FOXN3: variants seen among roughly 807,000 people sequenced by gnomAD.
FOXN3 encodes the protein forkhead box N3, also known as forkhead box protein N3.
A neutral mutation model predicts 38.4 loss-of-function variants in FOXN3; 7 were observed. The observed-to-expected ratio is 0.18, with a 90% CI of 0.10 to 0.34. The LOEUF (loss-of-function observed/expected upper bound fraction) is 0.34. FOXN3 is among the 10% of genes least tolerant of loss of function. The pLI, the probability that FOXN3 is intolerant of heterozygous loss-of-function variation, is 1.00. For missense variants in FOXN3, 456 were observed against 613.4 expected, an observed-to-expected ratio of 0.74 and a Z score of 2.71; for synonymous variants, 230 against 242.2, an observed-to-expected ratio of 0.95 and a Z score of 0.47.
chr14:89,479,376 A>AC (rs1279428033), intron 1 of FOXN3, among the ~76,000 whole-genome samples: 3 of 152,194 alleles, frequency 2.0e-5, no homozygotes, highest in South Asian at 4.1e-4. Context: ...CCTGTTGCAA[A>AC]GTCATTCTTC....
chr14:89,238,448 A>G (rs2139863243), intron 4 of FOXN3, among the ~76,000 whole-genome samples: 1 of 152,332 alleles, frequency 6.6e-6, no homozygotes, highest in South Asian at 2.1e-4. Flanking sequence ...CTTAAATGTA[A>G]AATAAGAACT....
chr14:89,276,934 G>A (rs1182227626), intron 4 of FOXN3, among the ~76,000 whole-genome samples: 1 of 152,198 alleles, frequency 6.6e-6, no homozygotes, highest in African/African-American at 2.4e-5. Context: ...CAAGAGCAGA[G>A]GTGCCTATGT....
intron 2 of FOXN3, among the ~76,000 whole-genome samples, chr14:89,373,519 C>A (rs1188311917): frequency 6.6e-6 from 1 of 152,200 alleles, no homozygotes; most frequent in Non-Finnish European, 1.5e-5. Context: ...GCAGCCTTAA[C>A]TCTTTTCTGT....
chr14:89,396,880 CTT>C (rs113510248), intron 2 of FOXN3, among the ~76,000 whole-genome samples: 1 of 140,734 alleles, frequency 7.1e-6, no homozygotes, highest in Non-Finnish European at 1.5e-5. Flanking sequence ...CTGCAGTAGA[CTT>C]TTTTTTTTTT....
intron 2 of FOXN3, among the ~76,000 whole-genome samples, chr14:89,352,439 G>C (rs930086907): frequency 1.3e-5 from 2 of 152,110 alleles, no homozygotes; most frequent in African/African-American, 2.4e-5. Flanking sequence ...GAGAGGTTTG[G>C]GGGGAAAGAC....
intron 1 of FOXN3, among the ~76,000 whole-genome samples, chr14:89,465,846 G>C (rs915811593): frequency 6.6e-6 from 1 of 152,176 alleles, no homozygotes; most frequent in Non-Finnish European, 1.5e-5. Flanking sequence ...AGTAAGCTAG[G>C]ACATCACTCT....
rs187934980 is a variant in FOXN3, at chr14:89,206,282, A to G, written c.746-25476T>C. Among the ~76,000 whole-genome samples the G allele has an allele frequency of 6.0e-3, 915 of 152,350 alleles. 4 individuals are homozygous for G. The highest frequency in any genetic ancestry group is 9.7e-3 in the Non-Finnish European group (661 of 68,036). ...CAAGCGTGAGGGCCAGAGCCTGGTC[A>G]GGGACACATGCTTTTAAAGGAGGTG... is the stretch of plus-strand genomic sequence containing the variant. On this transcript the variant is annotated intron_variant, in intron 4 of 5. Transcript: ENST00000557258.
intron 4 of FOXN3, among the ~76,000 whole-genome samples, chr14:89,181,066 G>GCA (rs900899439): frequency 6.7e-6 from 1 of 148,502 alleles, no homozygotes; most frequent in Admixed American, 6.7e-5. Flanking sequence ...ATACAGACAT[G>GCA]CACACACACA....
chr14:89,431,683 C>T (rs11159909), intron 1 of FOXN3, among the ~76,000 whole-genome samples: 73,590 of 151,860 alleles, frequency 0.48, 20,760 homozygotes, highest in Admixed American at 0.61. Flanking sequence ...ACAGAGATTT[C>T]TCATTATCCA....
At chr14:89,246,542 C>CATTTTT (rs1885302830) in intron 4 of FOXN3, among the ~76,000 whole-genome samples, 3 of 83,986 alleles carry the variant, frequency 3.6e-5, no homozygotes, top group African/African-American at 4.8e-5. Context: ...CAGGATGCGG[C>CATTTTT]TTTTTTTTTT....
chr14:89,258,138 G>A (rs984108430), intron 4 of FOXN3, among the ~76,000 whole-genome samples: 5 of 152,192 alleles, frequency 3.3e-5, no homozygotes, highest in African/African-American at 7.2e-5. Context: ...TGCTCTGAGA[G>A]GCAGCAACAC....
chr14:89,441,496 T>A (rs897646614), intron 1 of FOXN3, among the ~76,000 whole-genome samples: 10 of 152,192 alleles, frequency 6.6e-5, no homozygotes, highest in African/African-American at 1.9e-4. Flanking sequence ...ATTGCCTTTA[T>A]CTTATACTGT....
intron 1 of FOXN3, among the ~76,000 whole-genome samples, chr14:89,468,075 A>AT (rs939392001): frequency 1.4e-3 from 196 of 142,208 alleles, no homozygotes; most frequent in African/African-American, 3.8e-3. Flanking sequence ...TAATTTGATT[A>AT]TTTTTTTTTT....
intron 4 of FOXN3, among the ~76,000 whole-genome samples, chr14:89,195,436 C>T (rs1036577363): frequency 6.6e-6 from 1 of 152,222 alleles, no homozygotes; most frequent in African/African-American, 2.4e-5. Context: ...AGCAGAGGAA[C>T]TTTCTGATGC....
intron 1 of FOXN3, among the ~76,000 whole-genome samples, chr14:89,559,815 G>C (rs1895209532): frequency 1.3e-5 from 2 of 152,134 alleles, no homozygotes; most frequent in South Asian, 4.1e-4. Context: ...TTTATATCTG[G>C]GACAGGGAAG....
intron 1 of FOXN3, among the ~76,000 whole-genome samples, chr14:89,612,874 C>T (rs2139957553): frequency 6.6e-6 from 1 of 151,692 alleles, no homozygotes; most frequent in Non-Finnish European, 1.5e-5. Context: ...GCTCCCAGCA[C>T]TTTGGGAGGC....
exon 1 of FOXN3, chr14:89,619,035 C>G (rs1277036700): frequency 1.3e-5 from 2 of 152,446 alleles, no homozygotes; most frequent in African/African-American, 4.8e-5. Flanking sequence ...TACCTTCGAT[C>G]GCCTGCCCCC....
chr14:89,345,721 C>T (rs907672108), intron 3 of FOXN3, among the ~76,000 whole-genome samples: 5 of 152,120 alleles, frequency 3.3e-5, no homozygotes, highest in East Asian at 1.9e-4. Flanking sequence ...TGAGAACATA[C>T]GTTTTCCATT....
At chr14:89,522,873 C>T (rs530314823) in intron 1 of FOXN3, among the ~76,000 whole-genome samples, 1 of 151,486 alleles carries the variant, frequency 6.6e-6, no homozygotes, top group Non-Finnish European at 1.5e-5. Flanking sequence ...TCAATAATCA[C>T]GTTATATATA....
Sources: gnomAD v4.1 joint callset for allele counts (sites outside exome capture counted in the v4.1 genomes callset) on GRCh38, gnomAD v4.1.1 for gene constraint, MANE v1.5 for transcripts, NCBI Gene and HGNC (gene_info 2026-07-23, HGNC 2026-07-21) for gene names.